The following AFF3 variants were observed in gnomAD, a reference collection of about 807,000 sequenced individuals.
AFF3 encodes AF4/FMR2 family member 3.
AFF3 carries 32 observed loss-of-function variants against 129.7 expected under a neutral mutation model. The observed-to-expected ratio is 0.25, with a 90% CI of 0.19 to 0.33. AFF3 has a LOEUF of 0.33. Ranked by LOEUF, AFF3 falls within the 10% of genes least tolerant of loss-of-function variation. The probability of loss-of-function intolerance (pLI) is 1.00; values close to 1 mark genes in which losing one functional copy is unlikely to be tolerated. For missense variants in AFF3, 1,373 were observed against 1,592.0 expected, an observed-to-expected ratio of 0.86 and a Z score of 2.34; for synonymous variants, 644 against 635.4, an observed-to-expected ratio of 1.01 and a Z score of -0.20.
intron 7 of AFF3, among the ~76,000 whole-genome samples, chr2:99,912,075 G>T (rs1695142806): frequency 2.6e-5 from 4 of 152,164 alleles, no homozygotes; most frequent in Admixed American, 2.6e-4. Context: ...AGAGATCAAT[G>T]GGAGTAATAT....
intron 8 of AFF3, among the ~76,000 whole-genome samples, chr2:99,766,954 G>A (rs923113058): frequency 1.3e-5 from 2 of 152,218 alleles, no homozygotes; most frequent in Non-Finnish European, 2.9e-5. Flanking sequence ...GGGCGAATAG[G>A]CAATCTACAA....
At chr2:99,780,320 CT>C in intron 8 of AFF3, among the ~76,000 whole-genome samples, 1 of 152,314 alleles carries the variant, frequency 6.6e-6, no homozygotes, top group Middle Eastern at 3.4e-3. Context: ...GTAAATAATT[CT>C]CTCCTAGATG....
chr2:100,119,044 C>G (rs368179997), intron 2 of AFF3, among the ~76,000 whole-genome samples: 1 of 152,156 alleles, frequency 6.6e-6, no homozygotes, highest in African/African-American at 2.4e-5. Flanking sequence ...TCAGGTGATC[C>G]GCACACCTCG....
chr2:99,877,563 T>C lies in AFF3; in HGVS notation c.874-40039A>G, dbSNP rs17023265. On this transcript the variant is annotated intron_variant, in intron 7 of 24. Transcript: ENST00000672756. ...TTATGACGAGACTGTCACTGGCACTTTATTAAAGACCATCATTCTATAGTC... is the reference window on the plus strand; with the variant it reads ...TTATGACGAGACTGTCACTGGCACTCTATTAAAGACCATCATTCTATAGTC... 9.2e-3 allele frequency among the ~76,000 whole-genome samples: 1,396 copies of C among 152,310 alleles called. 14 individuals are homozygous for C. The highest frequency in any genetic ancestry group is 0.032 in the African/African-American group (1,338 of 41,568).
intron 8 of AFF3, among the ~76,000 whole-genome samples, chr2:99,816,804 T>C (rs1687271299): frequency 6.6e-6 from 1 of 152,070 alleles, no homozygotes; most frequent in African/African-American, 2.4e-5. Flanking sequence ...TACCGTAATG[T>C]TAGGTAGCAC....
At chr2:99,756,479 G>A (rs777694830) in intron 8 of AFF3, among the ~76,000 whole-genome samples, 15 of 152,186 alleles carry the variant, frequency 9.9e-5, no homozygotes, top group East Asian at 3.8e-4. Flanking sequence ...GCCTGACCCC[G>A]TTGCCTTCCT....
intron 1 of AFF3, among the ~76,000 whole-genome samples, chr2:100,130,430 G>A (rs1692379618): frequency 6.6e-6 from 1 of 152,188 alleles, no homozygotes; most frequent in African/African-American, 2.4e-5. Context: ...ATGGGCACAG[G>A]GCTCGATGAG....
chr2:99,575,502 C>A (rs1192227587), intron 18 of AFF3, among the ~76,000 whole-genome samples: 1 of 148,776 alleles, frequency 6.7e-6, no homozygotes, highest in Non-Finnish European at 1.5e-5. Context: ...CTCAAGTGAT[C>A]CACCCACCTC....
intron 12 of AFF3, among the ~76,000 whole-genome samples, chr2:99,650,694 T>C (rs556173600): frequency 1.4e-4 from 21 of 152,144 alleles, no homozygotes; most frequent in Non-Finnish European, 2.9e-4. Flanking sequence ...GGGCAGGTTC[T>C]TATATTATTC....
Position 100,007,216 on chromosome 2 carries a change from T to G in AFF3, c.419A>C (p.Gln140Pro). 1 of 1,614,154 alleles carries G rather than the reference T, an allele frequency of 6.2e-7. No homozygotes were observed. Among genetic ancestry groups the G allele is most frequent in the Non-Finnish European group, 8.5e-7 (1 of 1,180,042 alleles). The change falls in exon 6 of 25, where the codon CAG becomes CCG. Residue 140 changes from glutamine (Q) to proline (P), a missense_variant. Around this residue, in one of 9 missense-constraint regions of AFF3, gnomAD observed 255 missense variants for 256.0 expected, o/e 1.00. Coordinates refer to ENST00000672756, the MANE Select transcript of AFF3 (RefSeq NM_001386135.1). ...TSTPAAVPVQQSKRGTMGWQK... is the reference protein window; with the variant it reads ...TSTPAAVPVQPSKRGTMGWQK... ...CCAGCCCATAGTGCCTCTCTTACTCTGCTGCACGGGGACAGCTGCTGGTGT... is the reference window on the plus strand; with the variant it reads ...CCAGCCCATAGTGCCTCTCTTACTCGGCTGCACGGGGACAGCTGCTGGTGT...
In AFF3 at chr2:99,916,680, T is replaced by C. The variant is rs989296396; in HGVS notation, c.874-79156A>G. On this transcript the variant is annotated intron_variant, in intron 7 of 24. Coordinates refer to ENST00000672756, the MANE Select transcript of AFF3 (RefSeq NM_001386135.1). Reference sequence around the variant, plus strand: ...AAGAACCAGCAGGCCAGTGGCACACTGGTTCTTGAAAATCACCATCTCCAG... The same window carrying C: ...AAGAACCAGCAGGCCAGTGGCACACCGGTTCTTGAAAATCACCATCTCCAG... 6.6e-5 allele frequency among the ~76,000 whole-genome samples: 10 copies of C among 152,256 alleles called. No homozygotes were observed. In the South Asian group the frequency reaches 1.7e-3, roughly 25 times the overall value.
intron 18 of AFF3, among the ~76,000 whole-genome samples, chr2:99,578,093 C>T (rs1223966524): frequency 1.3e-5 from 2 of 152,162 alleles, no homozygotes; most frequent in Non-Finnish European, 1.5e-5. Flanking sequence ...CTGGATCCAA[C>T]CCCATTAGCA....
chr2:100,122,125 G>A (rs1471920630), intron 2 of AFF3, among the ~76,000 whole-genome samples: 1 of 152,172 alleles, frequency 6.6e-6, no homozygotes. Flanking sequence ...GCCACAAGTT[G>A]GGGAAATTAA....
intron 14 of AFF3, among the ~76,000 whole-genome samples, chr2:99,598,791 C>T (rs751870834): frequency 4.6e-5 from 7 of 152,206 alleles, no homozygotes; most frequent in East Asian, 1.9e-4. Flanking sequence ...GGGCCAGCTC[C>T]GCCAGACCAG....
In AFF3 at chr2:99,789,477, GA is replaced by G. The variant is rs1345992161; in HGVS notation, c.922-37177del. On this transcript the variant is annotated intron_variant, in intron 8 of 24. Coordinates refer to ENST00000672756, the MANE Select transcript of AFF3 (RefSeq NM_001386135.1). ...AAAAAAAAAAAAAAAAAAAGTAGTT[GA>G]GGATTCAGGCCACTGGTTCTGCCTT... 5.0e-5 allele frequency among the ~76,000 whole-genome samples: 7 copies of G among 139,018 alleles called. No homozygotes were observed. The South Asian group carries it at 9.8e-4, about 19-fold the overall frequency. 91.2% of individuals were successfully genotyped at this position (139,018 alleles called of 152,430 possible).
At position 99,891,854 on chromosome 2, in the gene AFF3, G is replaced by C. The variant is rs181572627; in HGVS notation, c.874-54330C>G. ...TTTTTTTTTTTTGAGACAGAGTCTC[G>C]CTCTGTTGCCCAGGCTGGAGTGCAC... On this transcript the variant is annotated intron_variant, in intron 7 of 24. Transcript: ENST00000672756. Among the ~76,000 whole-genome samples the C allele has an allele frequency of 5.8e-3, 862 of 149,588 alleles. 6 individuals carry two copies. Among genetic ancestry groups the C allele is most frequent in the Non-Finnish European group, 0.01 (676 of 67,548 alleles).
At chr2:99,720,773 CA>C (rs764629640) in intron 11 of AFF3, among the ~76,000 whole-genome samples, 3 of 152,166 alleles carry the variant, frequency 2.0e-5, no homozygotes, top group African/African-American at 4.8e-5. Context: ...TTAATTCCTA[CA>C]ATGACTTCTT....
chr2:99,985,496 G>T (rs1483559560), intron 7 of AFF3, among the ~76,000 whole-genome samples: 3 of 152,142 alleles, frequency 2.0e-5, no homozygotes, highest in Non-Finnish European at 2.9e-5. Context: ...AATTGGTGTG[G>T]AGTTAGATCA....
intron 11 of AFF3, chr2:99,706,986 A>T (rs1044501521): frequency 3.5e-6 from 2 of 566,222 alleles, no homozygotes; most frequent in Non-Finnish European, 4.5e-6. Flanking sequence ...CTTTTATAGG[A>T]CATTCACATT....
Sources: allele counts gnomAD v4.1 joint callset (sites outside exome capture counted in the v4.1 genomes callset), GRCh38; gene constraint gnomAD v4.1.1; regional missense constraint gnomAD v4.1.1; transcripts MANE v1.5; gene names NCBI Gene and HGNC (gene_info 2026-07-23, HGNC 2026-07-21).